SLC3A1: variants seen among roughly 807,000 people sequenced by gnomAD.
The protein encoded by SLC3A1 is solute carrier family 3 member 1, also known as amino acid transporter heavy chain SLC3A1.
A neutral mutation model predicts 60.3 loss-of-function variants in SLC3A1; 78 were observed. The ratio of observed to expected loss-of-function variants is 1.29; its 90% confidence interval spans 1.08 to 1.56. The LOEUF is 1.56. Ranked by LOEUF, SLC3A1 falls within the 40% of genes most tolerant of loss-of-function variation. SLC3A1 has a pLI of 0.00. For missense variants in SLC3A1, 1,172 were observed against 858.9 expected (o/e 1.36, Z -4.56); for synonymous variants, 392 against 307.9 (o/e 1.27, Z -2.86).
intron 7 of SLC3A1, among the ~76,000 whole-genome samples, chr2:44,306,112 G>A (rs1672150301): frequency 6.6e-6 from 1 of 152,126 alleles, no homozygotes; most frequent in Non-Finnish European, 1.5e-5. Context: ...GCAGTTCAGC[G>A]ACTTACCAAA....
At chr2:44,293,153 G>T (rs985215452) in intron 4 of SLC3A1, among the ~76,000 whole-genome samples, 1 of 152,158 alleles carries the variant, frequency 6.6e-6, no homozygotes, top group Non-Finnish European at 1.5e-5. Flanking sequence ...CAGGAAGAGA[G>T]AGGGAAATAT....
rs200469602 is a variant in SLC3A1 at position 44,321,328 on chromosome 2, T to C, written c.*689T>C. On this transcript the variant is annotated 3_prime_UTR_variant, in exon 10 of 10. Coordinates refer to ENST00000260649, the MANE Select transcript of SLC3A1 (RefSeq NM_000341.4). ...TAAGACTATGAAATATTTCAGTGTGTTTCCAATTCCCAGTTGAATGCAGTG... is the reference window on the plus strand; with the variant it reads ...TAAGACTATGAAATATTTCAGTGTGCTTCCAATTCCCAGTTGAATGCAGTG... The C allele has an allele frequency of 3.6e-5, 55 of 1,536,900 alleles. No individual in the cohort carries two copies. Among genetic ancestry groups the C allele is most frequent in the Non-Finnish European group, 4.9e-5 (54 of 1,113,188 alleles).
chr2:44,280,540 A>G (rs1045080037), intron 1 of SLC3A1, among the ~76,000 whole-genome samples, 176 bp from the exon 2 acceptor site: 3 of 152,118 alleles, frequency 2.0e-5, no homozygotes, highest in Non-Finnish European at 2.9e-5. Flanking sequence ...ACCCGACCTA[A>G]TTTGATATTT....
chr2:44,321,311 TG>T lies in SLC3A1; in HGVS notation c.*673del. The T allele has an allele frequency of 6.9e-7, 1 of 1,455,664 alleles. No individual in the cohort carries two copies. The highest frequency in any genetic ancestry group is 1.2e-5 in the South Asian group (1 of 84,148). The allele number at this position is 1,455,664 out of a possible 1,614,324, so 90.2% of individuals were successfully genotyped here. On this transcript the variant is annotated 3_prime_UTR_variant, in exon 10 of 10. Coordinates refer to ENST00000260649, the MANE Select transcript of SLC3A1 (RefSeq NM_000341.4). ...GCTAACTCAATTGGAAGTAAGACTA[TG>T]AAATATTTCAGTGTGTTTCCAATTC...
At chr2:44,316,003 T>C (rs997208995) in intron 9 of SLC3A1, among the ~76,000 whole-genome samples, 1 of 152,052 alleles carries the variant, frequency 6.6e-6, no homozygotes, top group African/African-American at 2.4e-5. Context: ...AGAAAAAAGG[T>C]GGGAATCTAG....
At chr2:44,281,637 A>C in intron 3 of SLC3A1, 96 bp downstream of exon 3, 1 of 1,189,696 alleles carries the variant, frequency 8.4e-7, no homozygotes, top group Non-Finnish European at 1.2e-6. Context: ...AAAATGAATG[A>C]ATATAGTTTA....
At chr2:44,314,065 A>G (rs1672364481) in intron 9 of SLC3A1, 114 bp downstream of exon 9, 1 of 1,561,722 alleles carries the variant, frequency 6.4e-7, no homozygotes, top group South Asian at 1.2e-5. Flanking sequence ...CTTTAAATCA[A>G]TCACAGACTT....
chr2:44,308,603 A>C (rs1672214771), intron 7 of SLC3A1, among the ~76,000 whole-genome samples: 1 of 152,140 alleles, frequency 6.6e-6, no homozygotes, highest in South Asian at 2.1e-4. Context: ...GTGTTTGCTT[A>C]ATTTCATTAT....
intron 7 of SLC3A1, among the ~76,000 whole-genome samples, chr2:44,309,067 A>G (rs971770680): frequency 1.3e-5 from 2 of 152,182 alleles, no homozygotes; most frequent in Non-Finnish European, 2.9e-5. Context: ...TTATTGCAAA[A>G]TATACATAAA....
intron 7 of SLC3A1, among the ~76,000 whole-genome samples, chr2:44,311,311 T>C (rs1323625454): frequency 2.0e-5 from 3 of 152,250 alleles, no homozygotes; most frequent in Admixed American, 2.0e-4. Flanking sequence ...GCACAGGTTT[T>C]TTCTTTGAAT....
rs113483133 is a variant in SLC3A1, at chr2:44,290,420, G to A, written c.891+4263G>A. On this transcript the variant is annotated intron_variant, in intron 4 of 9. Coordinates refer to ENST00000260649, the MANE Select transcript of SLC3A1 (RefSeq NM_000341.4). Reference sequence around the variant, plus strand: ...TTGTTTCACTATTCCAAGTCCTTTGGATTTCCATGTGAATTTCTGAGTCAG... The same window carrying A: ...TTGTTTCACTATTCCAAGTCCTTTGAATTTCCATGTGAATTTCTGAGTCAG... Among the ~76,000 whole-genome samples the A allele has an allele frequency of 2.1e-3, 323 of 152,188 alleles. No homozygotes were observed. The Middle Eastern group carries it at 0.027, about 13-fold the overall frequency.
At chr2:44,300,887 A>C in intron 5 of SLC3A1, 116 bp from the exon 6 acceptor site, 2 of 1,132,024 alleles carry the variant, frequency 1.8e-6, no homozygotes, top group South Asian at 2.6e-5. Context: ...ACCATGTTTG[A>C]GTGTGCGTCT....
chr2:44,281,029 TCTTTCCTTCCCGCTTTCTCTTTCTTC>T, intron 2 of SLC3A1, 134 bp downstream of exon 2: 1 of 760,178 alleles, frequency 1.3e-6, no homozygotes, highest in South Asian at 1.7e-5. Context: ...CTTCCTTCTT[TCTTTCCTTCCCGCTTTCTCTTTCTTC>T]CTTTCCTTCC....
chr2:44,283,845 A>G (rs1468461375), intron 3 of SLC3A1, among the ~76,000 whole-genome samples: 1 of 146,900 alleles, frequency 6.8e-6, no homozygotes, highest in Admixed American at 6.6e-5. Context: ...GAACTTTATG[A>G]AAAGTGTCAT....
chr2:44,306,086 CTGT>C (rs532982446), intron 7 of SLC3A1, among the ~76,000 whole-genome samples: 24 of 152,292 alleles, frequency 1.6e-4, no homozygotes, highest in Admixed American at 5.2e-4. Context: ...GTTACTGGTG[CTGT>C]TGTTATTCGT....
At chr2:44,308,000 C>A (rs1232798717) in intron 7 of SLC3A1, among the ~76,000 whole-genome samples, 4 of 152,068 alleles carry the variant, frequency 2.6e-5, no homozygotes, top group Non-Finnish European at 4.4e-5. Context: ...GTAGGCTGGG[C>A]GTGGTGGCTC....
In SLC3A1 at chr2:44,321,143, T is replaced by G. The variant is rs11124988; in HGVS notation, c.*504T>G. On this transcript the variant is annotated 3_prime_UTR_variant, in exon 10 of 10. Transcript: ENST00000260649. ...CCTTCTAAGGAGCATGATTTGAAAA[T>G]TACTTTCCTAGGTTAATGGGCATGT... is the stretch of plus-strand genomic sequence containing the variant. The G allele has an allele frequency of 1.9e-6, 1 of 530,590 alleles. No individual in the cohort carries two copies. Among genetic ancestry groups the G allele is most frequent in the Non-Finnish European group, 3.4e-6 (1 of 293,520 alleles). The allele number at this position is 530,590 out of a possible 1,614,324, so 32.9% of individuals were successfully genotyped here. A position where few individuals can be genotyped will look rare whatever the true frequency, so the allele number is the denominator to read the frequency against.
chr2:44,320,783 G>C lies in SLC3A1; in HGVS notation c.*144G>C. 2 of 709,280 alleles carry C rather than the reference G, an allele frequency of 2.8e-6. No individual in the cohort carries two copies. Among genetic ancestry groups the C allele is most frequent in the Non-Finnish European group, 4.8e-6 (2 of 412,910 alleles). 43.9% of individuals were successfully genotyped at this position (709,280 alleles called of 1,614,324 possible). ...CTTGAATGTAACTGCTTTAAGAAAG[G>C]TTCTCAAATGTTTTGAAAAAAATAA... On this transcript the variant is annotated 3_prime_UTR_variant, in exon 10 of 10. Transcript: ENST00000260649.
chr2:44,320,116 A>G, intron 9 of SLC3A1, 83 bp from the exon 10 acceptor site: 9 of 1,264,980 alleles, frequency 7.1e-6, no homozygotes, highest in Admixed American at 2.2e-5. Flanking sequence ...TTTTGGGTAA[A>G]TAACTCCTTA....
Sources: allele counts gnomAD v4.1 joint callset (sites outside exome capture counted in the v4.1 genomes callset), GRCh38; gene constraint gnomAD v4.1.1; transcripts MANE v1.5; gene names NCBI Gene and HGNC (gene_info 2026-07-23, HGNC 2026-07-21).